The following BRD9 variants were observed in gnomAD, a reference collection of about 807,000 sequenced individuals.
BRD9 encodes bromodomain containing 9, also known as bromodomain-containing protein 9.
In BRD9, 47 loss-of-function variants were observed where a neutral mutation model predicts 68.7. That is an observed-to-expected ratio of 0.68 (90% confidence interval 0.54 to 0.87). The LOEUF is 0.87. Among genes scored for constraint, BRD9 ranks in the 40% least tolerant of loss-of-function variants. The probability of loss-of-function intolerance (pLI) is 0.00; values close to 1 mark genes in which losing one functional copy is unlikely to be tolerated. For synonymous variants in BRD9, 313 were observed against 293.9 expected (o/e 1.06, Z -0.67); for missense variants, 670 against 748.4 (o/e 0.90, Z 1.22).
In BRD9 at chr5:886,590, A is replaced by G. The variant is rs1191572773; in HGVS notation, c.833+2T>C. On this transcript the variant is annotated splice_donor_variant, in intron 7 of 15. Transcript: ENST00000467963. LOFTEE classifies it high-confidence loss of function. ...CAAATGTGGTTTCCACAGAACCTTT[A>G]CCTGATAACTTCTCTACTCGGCTTT... 1.9e-6 allele frequency: 3 copies of G among 1,613,042 alleles called. No individual in the cohort carries two copies. In the African/African-American group the frequency reaches 4.0e-5, roughly 22 times the overall value.
rs748064160 is a variant in BRD9, at chr5:881,221, G to A, written c.967-39C>T. On this transcript the variant is annotated intron_variant, in intron 8 of 15. Transcript: ENST00000467963. The stretch of plus-strand genomic sequence containing the variant: ...CTGCCTGAGCGTCTGTCCCTCAGGA[G>A]GGGCAGCGCAGCACAAATGAAATGA... The A allele has an allele frequency of 3.2e-6, 5 of 1,586,698 alleles. No homozygotes were observed. The African/African-American group carries it at 6.7e-5, about 21-fold the overall frequency.
intron 13 of BRD9, among the ~76,000 whole-genome samples, chr5:871,099 G>A (rs1188065315): frequency 6.6e-6 from 1 of 152,208 alleles, no homozygotes; most frequent in Admixed American, 6.5e-5. Flanking sequence ...CCAAGCCCAT[G>A]CCTGCTGACT....
chr5:884,112 C>G (rs1434665583), intron 7 of BRD9, 42 bp from the exon 8 acceptor site: 4 of 1,598,930 alleles, frequency 2.5e-6, no homozygotes, highest in Non-Finnish European at 3.4e-6. Flanking sequence ...GGCAGCGTCC[C>G]CACCGCACAC....
At chr5:865,632 T>C (rs774589611) in intron 14 of BRD9, 51 bp from the exon 15 acceptor site, 1 of 1,536,296 alleles carries the variant, frequency 6.5e-7, no homozygotes, top group Non-Finnish European at 8.8e-7. Flanking sequence ...CCGGCCCGTC[T>C]ACCCTAAGGG....
At chr5:872,458 C>A (rs1449548080) in intron 12 of BRD9, among the ~76,000 whole-genome samples, 1 of 152,186 alleles carries the variant, frequency 6.6e-6, no homozygotes, top group Non-Finnish European at 1.5e-5. Flanking sequence ...CATTTCCGGG[C>A]TGTGAGGGGG....
rs1382973591 is a variant in BRD9, at chr5:891,236, C to T, written c.319G>A (p.Ala107Thr). 1.9e-6 allele frequency: 3 copies of T among 1,551,930 alleles called. No individual in the cohort carries two copies. Among genetic ancestry groups the T allele is most frequent in the Non-Finnish European group, 2.6e-6 (3 of 1,147,074 alleles). ...TTCTTCCCAGGATCAAAGTCGTCAG[C>T]CTCTCCCTCCGTGTCACAGTGCTCC... ...EREHCDTEGE[A>T]DDFDPGKKVE... Residue 107 changes from alanine (A) to threonine (T), a missense_variant, in exon 3 of 16, where the codon GCT becomes ACT. Around this residue, in one of 5 missense-constraint regions of BRD9, gnomAD observed 161 missense variants for 148.1 expected, o/e 1.09. Coordinates refer to ENST00000467963, the MANE Select transcript of BRD9 (RefSeq NM_023924.5).
chr5:891,952 A>C, intron 1 of BRD9, 98 bp from the exon 2 acceptor site: 1 of 1,496,692 alleles, frequency 6.7e-7, no homozygotes, highest in Admixed American at 2.2e-5. Flanking sequence ...GGCCTCCCTA[A>C]GGAGTACAGC....
intron 14 of BRD9, among the ~76,000 whole-genome samples, chr5:867,793 C>T (rs895734807): frequency 6.6e-6 from 1 of 152,198 alleles, no homozygotes; most frequent in Non-Finnish European, 1.5e-5. Context: ...TTTACAGGCT[C>T]ACAGGCAGAA....
chr5:871,527 T>C lies in BRD9; in HGVS notation c.1421A>G (p.Lys474Arg), dbSNP rs1259047864. ...NVPMKPPDEA[K>R]VGDTLGDSSS... The stretch of plus-strand genomic sequence containing the variant: ...GCCCTTCCATGTTCAAAAACTTACC[T>C]TGGCTTCATCTGGAGGCTTCATGGG... The change falls in exon 13 of 16, where the codon AAG (lysine) becomes AGG (arginine). Residue 474 changes from lysine (K) to arginine (R), a missense_variant and splice_region_variant. By Grantham distance (26) the Lys-to-Arg change is conservative. Coordinates refer to ENST00000467963, the MANE Select transcript of BRD9 (RefSeq NM_023924.5). The C allele has an allele frequency of 1.2e-6, 2 of 1,614,128 alleles. No homozygotes were observed. The highest frequency in any genetic ancestry group is 4.5e-5 in the East Asian group (2 of 44,890).
Position 876,121 on chromosome 5 carries a change from T to C in BRD9, c.1363A>G (p.Thr455Ala). The C allele has an allele frequency of 1.9e-6, 3 of 1,613,136 alleles. No individual in the cohort carries two copies. The highest frequency in any genetic ancestry group is 2.5e-6 in the Non-Finnish European group (3 of 1,179,724). The change falls in exon 12 of 16, where the codon ACG (threonine) becomes GCG (alanine). Residue 455 changes from threonine (T) to alanine (A), a missense_variant. Around this residue, in one of 5 missense-constraint regions of BRD9, gnomAD observed 280 missense variants for 281.5 expected, o/e 0.99. Coordinates refer to ENST00000467963, the MANE Select transcript of BRD9 (RefSeq NM_023924.5). ...DQITGGDHSR[T>A]LFQLKQRRNV... ...CCCACCTGCTTCAGCTGGAAGAGCGTCCTAGAGTGGTCTCCGCCTGTGATC... is the reference window on the plus strand; with the variant it reads ...CCCACCTGCTTCAGCTGGAAGAGCGCCCTAGAGTGGTCTCCGCCTGTGATC...
In BRD9 at chr5:865,954, A is replaced by G. The variant is rs1219703693; in HGVS notation, c.1526-373T>C. 17 of 183,026 alleles carry G rather than the reference A, an allele frequency of 9.3e-5. No individual in the cohort carries two copies. The East Asian group carries it at 1.4e-3, about 15-fold the overall frequency. 11.3% of individuals were successfully genotyped at this position (183,026 alleles called of 1,614,324 possible). A position where few individuals can be genotyped will look rare whatever the true frequency, so the allele number is the denominator to read the frequency against. ...GGCCAGACAGCTGGATGGAGGGTGC[A>G]AGAGGCCGGCAGACCCTGGTACCCG... On this transcript the variant is annotated intron_variant, in intron 14 of 15. Coordinates refer to ENST00000467963, the MANE Select transcript of BRD9 (RefSeq NM_023924.5).
chr5:886,912 G>T (rs1404318660), intron 6 of BRD9: 1 of 902,290 alleles, frequency 1.1e-6, no homozygotes, highest in East Asian at 2.8e-5. Context: ...AGGTGGTTGT[G>T]GGGGCTTGAC....
Position 865,491 on chromosome 5 carries a change from G to C in BRD9, c.1616C>G (p.Ala539Gly), listed in dbSNP as rs755739577. Residue 539 changes from alanine to glycine, a missense_variant, in exon 15 of 16, where the codon GCG (alanine) becomes GGG (glycine). This residue lies in a region of BRD9 where 280 missense variants were observed against 281.5 expected (regional missense o/e 0.99). Coordinates refer to ENST00000467963, the MANE Select transcript of BRD9 (RefSeq NM_023924.5). ...KLLQDLHEAQ[A>G]ERGGSRPSSN... ...CGACGGCCGAGAGCCGCCGCGCTCCGCCTGTGCTTCGTGCAGGTCCTGCAG... is the reference window on the plus strand; with the variant it reads ...CGACGGCCGAGAGCCGCCGCGCTCCCCCTGTGCTTCGTGCAGGTCCTGCAG... 1.2e-6 allele frequency: 2 copies of C among 1,606,872 alleles called. No homozygotes were observed. Among genetic ancestry groups the C allele is most frequent in the South Asian group, 2.2e-5 (2 of 91,012 alleles).
intron 7 of BRD9, among the ~76,000 whole-genome samples, chr5:884,886 T>C (rs190801166): frequency 6.6e-6 from 1 of 152,344 alleles, no homozygotes; most frequent in African/African-American, 2.4e-5. Flanking sequence ...GCTGTGACAC[T>C]AGGTGAAGGT....
intron 14 of BRD9, chr5:869,024 T>G (rs1013140000): frequency 3.9e-6 from 1 of 255,270 alleles, no homozygotes; most frequent in African/African-American, 2.3e-5. Context: ...CTGTGGTCTG[T>G]GCTTCCGACT....
At chr5:886,853 C>G in intron 6 of BRD9, 146 bp from the exon 7 acceptor site, 1 of 1,410,026 alleles carries the variant, frequency 7.1e-7, no homozygotes, top group Non-Finnish European at 9.6e-7. Context: ...TGGGGATGGT[C>G]ACAGCCTCAC....
Position 864,388 on chromosome 5 carries a change from T to C in BRD9, c.*80A>G. ...CATGCCAAAGGGGACAGGATCAAAGTCCTTGTCTGATGACAAAAACTCTAC... is the reference window on the plus strand; with the variant it reads ...CATGCCAAAGGGGACAGGATCAAAGCCCTTGTCTGATGACAAAAACTCTAC... On this transcript the variant is annotated 3_prime_UTR_variant, in exon 16 of 16. Transcript: ENST00000467963. 8.1e-7 allele frequency: 1 copy of C among 1,235,652 alleles called. No individual in the cohort carries two copies. The highest frequency in any genetic ancestry group is 1.1e-6 in the Non-Finnish European group (1 of 885,404). 76.5% of individuals were successfully genotyped at this position (1,235,652 alleles called of 1,614,324 possible). A position where few individuals can be genotyped will look rare whatever the true frequency, so the allele number is the denominator to read the frequency against.
At chr5:888,898 C>A in intron 5 of BRD9, 123 bp downstream of exon 5, 4 of 1,022,694 alleles carry the variant, frequency 3.9e-6, no homozygotes, top group Non-Finnish European at 5.6e-6. Flanking sequence ...AAAACATCAT[C>A]CGAACACAGA....
intron 13 of BRD9, among the ~76,000 whole-genome samples, chr5:870,824 CTT>C (rs2150561307): frequency 6.6e-6 from 1 of 152,282 alleles, no homozygotes; most frequent in East Asian, 1.9e-4. Flanking sequence ...ACTAACAATC[CTT>C]TGTTAACTTT....
Sources: allele counts gnomAD v4.1 joint callset (sites outside exome capture counted in the v4.1 genomes callset), GRCh38; gene constraint gnomAD v4.1.1; regional missense constraint gnomAD v4.1.1; transcripts MANE v1.5; gene names NCBI Gene and HGNC (gene_info 2026-07-23, HGNC 2026-07-21).